MSH4: variants seen among roughly 807,000 people sequenced by gnomAD.
The protein encoded by MSH4 is mutS protein homolog 4.
In MSH4, 106 loss-of-function variants were observed where a neutral mutation model predicts 113.7. The observed-to-expected ratio is 0.93, with a 90% CI of 0.80 to 1.10. The LOEUF (loss-of-function observed/expected upper bound fraction) is 1.10. Ranked by LOEUF, MSH4 falls within the 50% of genes least tolerant of loss-of-function variation. The pLI, the probability that MSH4 is intolerant of heterozygous loss-of-function variation, is 0.00. For missense variants in MSH4, 1,061 were observed against 1,093.7 expected, an observed-to-expected ratio of 0.97 and a Z score of 0.42; for synonymous variants, 368 against 380.2, an observed-to-expected ratio of 0.97 and a Z score of 0.37.
chr1:75,841,370 A>C (rs1234504213), intron 7 of MSH4, among the ~76,000 whole-genome samples: 1 of 151,810 alleles, frequency 6.6e-6, no homozygotes, highest in Non-Finnish European at 1.5e-5. Context: ...GCTAATTTTT[A>C]CATTTTTTGT....
chr1:75,897,658 C>T (rs1454691010), intron 17 of MSH4, among the ~76,000 whole-genome samples: 1 of 151,774 alleles, frequency 6.6e-6, no homozygotes, highest in Non-Finnish European at 1.5e-5. Flanking sequence ...CAGTTTTGTT[C>T]TCTTTCCCAT....
chr1:75,885,927 GTA>G (rs1454873717), intron 15 of MSH4, among the ~76,000 whole-genome samples: 1 of 34,284 alleles, frequency 2.9e-5, no homozygotes, highest in Non-Finnish European at 6.9e-5. Context: ...TATATATGAT[GTA>G]TTATATAACA....
chr1:75,875,640 T>C (rs553924600), intron 9 of MSH4, among the ~76,000 whole-genome samples: 2 of 152,272 alleles, frequency 1.3e-5, no homozygotes, highest in East Asian at 3.9e-4. Flanking sequence ...AAAAATAAAA[T>C]ACAGCTTACA....
chr1:75,818,757 T>TTTG (rs1650345239), intron 6 of MSH4, among the ~76,000 whole-genome samples: 2 of 151,962 alleles, frequency 1.3e-5, no homozygotes, highest in South Asian at 4.2e-4. Context: ...ATTCCGTTTT[T>TTTG]TTTGTTTGTT....
intron 15 of MSH4, among the ~76,000 whole-genome samples, chr1:75,885,975 AGT>A (rs1318862614): frequency 2.2e-4 from 25 of 111,960 alleles, no homozygotes; most frequent in Non-Finnish European, 3.9e-4. Context: ...TAGCATGTAT[AGT>A]ATATATGATG....
At chr1:75,808,641 A>G (rs796781424) in intron 3 of MSH4, among the ~76,000 whole-genome samples, 23 of 152,218 alleles carry the variant, frequency 1.5e-4, no homozygotes, top group African/African-American at 5.3e-4. Context: ...ATGGCATTTG[A>G]GATTGTGTCT....
chr1:75,875,075 A>G (rs541613027), intron 9 of MSH4, among the ~76,000 whole-genome samples: 2 of 152,052 alleles, frequency 1.3e-5, no homozygotes, highest in African/African-American at 4.8e-5. Context: ...TGTCTTTTTG[A>G]TAGAGACGGG....
chr1:75,889,461 C>A, intron 16 of MSH4, 92 bp downstream of exon 16: 1 of 612,010 alleles, frequency 1.6e-6, no homozygotes, highest in Non-Finnish European at 2.9e-6. Context: ...CTAAAATATG[C>A]AGATGTTGCT....
intron 7 of MSH4, among the ~76,000 whole-genome samples, chr1:75,844,085 A>G (rs2100543084): frequency 1.3e-5 from 2 of 152,272 alleles, no homozygotes; most frequent in East Asian, 3.9e-4. Flanking sequence ...TGCTGGGATT[A>G]CAGGCGTAAG....
At chr1:75,904,389 G>C (rs1483963649) in intron 19 of MSH4, among the ~76,000 whole-genome samples, 1 of 152,130 alleles carries the variant, frequency 6.6e-6, no homozygotes, top group African/African-American at 2.4e-5. Flanking sequence ...AATGAGTTTG[G>C]AAGTGTTCCC....
intron 2 of MSH4, among the ~76,000 whole-genome samples, chr1:75,805,457 G>A (rs898789997): frequency 2.8e-4 from 42 of 148,416 alleles, no homozygotes; most frequent in Non-Finnish European, 1.0e-4. Flanking sequence ...GCACCATCTC[G>A]GCTCATTGCA....
intron 7 of MSH4, among the ~76,000 whole-genome samples, chr1:75,837,941 C>T (rs948746758): frequency 6.6e-6 from 1 of 152,176 alleles, no homozygotes; most frequent in Non-Finnish European, 1.5e-5. Flanking sequence ...TATTTGGTCA[C>T]CCTTCTCCAA....
intron 9 of MSH4, among the ~76,000 whole-genome samples, chr1:75,871,276 G>T (rs904264646): frequency 6.6e-6 from 1 of 152,066 alleles, no homozygotes; most frequent in Admixed American, 6.5e-5. Flanking sequence ...ACCTCCATCT[G>T]GTCTCTCCCT....
At chr1:75,845,705 T>C (rs979714694) in intron 7 of MSH4, among the ~76,000 whole-genome samples, 1 of 152,080 alleles carries the variant, frequency 6.6e-6, no homozygotes, top group Non-Finnish European at 1.5e-5. Context: ...TATAGTTCTG[T>C]GGTCTCAGGG....
intron 15 of MSH4, among the ~76,000 whole-genome samples, chr1:75,885,059 G>GTGTGTGTGTATATATA (rs1300289205): frequency 8.9e-6 from 1 of 112,562 alleles, no homozygotes; most frequent in African/African-American, 4.1e-5. Flanking sequence ...GTGTGTGTGT[G>GTGTGTGTGTATATATA]TATATATATA....
At chr1:75,831,383 A>G (rs1029225119) in intron 7 of MSH4, among the ~76,000 whole-genome samples, 1 of 151,998 alleles carries the variant, frequency 6.6e-6, no homozygotes, top group Non-Finnish European at 1.5e-5. Flanking sequence ...AGATCGAGAC[A>G]CAAACTTAAC....
intron 7 of MSH4, among the ~76,000 whole-genome samples, chr1:75,824,901 T>G (rs376713501): frequency 0.037 from 2,521 of 68,648 alleles, 26 homozygotes; most frequent in South Asian, 0.075. Context: ...TACCTTCAGC[T>G]TTGTTTTTTT....
chr1:75,895,527 A>G lies in MSH4; in HGVS notation c.2356-2380A>G, dbSNP rs5745524. On this transcript the variant is annotated intron_variant, in intron 17 of 19. Coordinates refer to ENST00000263187, the MANE Select transcript of MSH4 (RefSeq NM_002440.4). ...CAACTACAACTCTCTTACCAGTTAC[A>G]GAAATAAGGACTGTCTGTAATTGTC... 6.3e-3 allele frequency among the ~76,000 whole-genome samples: 966 copies of G among 152,316 alleles called. 16 individuals are homozygous for G. The highest frequency in any genetic ancestry group is 0.035 in the Admixed American group (540 of 15,288).
chr1:75,878,437 A>G, intron 11 of MSH4, 119 bp downstream of exon 11: 1 of 772,262 alleles, frequency 1.3e-6, no homozygotes, highest in East Asian at 2.9e-5. Context: ...TTCGTTACCA[A>G]AACATAAGGT....
Sources: gnomAD v4.1 joint callset for allele counts (sites outside exome capture counted in the v4.1 genomes callset) on GRCh38, gnomAD v4.1.1 for gene constraint, MANE v1.5 for transcripts, NCBI Gene and HGNC (gene_info 2026-07-23, HGNC 2026-07-21) for gene names.